The following ABLIM1 variants were observed in gnomAD, a reference collection of about 807,000 sequenced individuals.
ABLIM1 encodes the protein actin-binding LIM protein 1.
In ABLIM1, 40 loss-of-function variants were observed where a neutral mutation model predicts 107.0. That is an observed-to-expected ratio of 0.37 (90% CI 0.29 to 0.49). ABLIM1 has a LOEUF of 0.49. ABLIM1 is among the 20% of genes least tolerant of loss of function. ABLIM1 has a pLI of 0.97. For synonymous variants in ABLIM1, 357 were observed against 357.3 expected (o/e 1.00, Z 0.01); for missense variants, 857 against 1,008.5 (o/e 0.85, Z 2.04).
the ABLIM1 span, among the ~76,000 whole-genome samples, chr10:114,777,720 G>T: frequency 6.6e-6 from 1 of 152,104 alleles, no homozygotes; most frequent in East Asian, 1.9e-4. Flanking sequence ...CCAGCCCCAC[G>T]CAAGCACCAA....
chr10:114,487,541 A>G (rs2058363417), intron 8 of ABLIM1, among the ~76,000 whole-genome samples: 1 of 152,186 alleles, frequency 6.6e-6, no homozygotes, highest in East Asian at 1.9e-4. Context: ...GTGAATTTGG[A>G]TCCAGTAAAT....
chr10:114,517,624 C>T (rs553291335), intron 6 of ABLIM1, among the ~76,000 whole-genome samples: 69 of 152,240 alleles, frequency 4.5e-4, no homozygotes, highest in African/African-American at 1.5e-3. Flanking sequence ...GGAGGGGGGC[C>T]ACAGTACAAT....
At chr10:114,759,297 A>C (rs1195746974) in intron 1 of ABLIM1, among the ~76,000 whole-genome samples, 1 of 152,208 alleles carries the variant, frequency 6.6e-6, no homozygotes, top group Non-Finnish European at 1.5e-5. Flanking sequence ...GCATAAAATC[A>C]AGTAGGTTGT....
chr10:114,555,047 CT>C (rs2068555138), intron 4 of ABLIM1, among the ~76,000 whole-genome samples: 2 of 152,316 alleles, frequency 1.3e-5, no homozygotes, highest in South Asian at 4.1e-4. Flanking sequence ...CACTTGGTGT[CT>C]CTACTGTCCT....
rs759295061 is a variant in ABLIM1 at position 114,658,155 on chromosome 10, A to G, written c.46T>C (p.Ser16Pro). The change falls in exon 1 of 23, where the codon TCT becomes CCT. Residue 16 changes from serine to proline, a missense_variant. This residue lies in a region of ABLIM1 where 176 missense variants were observed against 173.5 expected (regional missense o/e 1.01). Transcript: ENST00000533213. ...GLKCLGKLCS[S>P]EKSKVTSSER... The stretch of plus-strand genomic sequence containing the variant: ...GATGAGGTGACTTTGCTTTTCTCAG[A>G]GCTGCACAATTTCCCCAGACACTTT... 4.3e-6 allele frequency: 7 copies of G among 1,613,718 alleles called. No individual in the cohort carries two copies. The highest frequency in any genetic ancestry group is 1.7e-6 in the Non-Finnish European group (2 of 1,179,772).
At chr10:114,604,531 A>T (rs1343682136) in intron 1 of ABLIM1, among the ~76,000 whole-genome samples, 1 of 152,208 alleles carries the variant, frequency 6.6e-6, no homozygotes, top group African/African-American at 2.4e-5. Flanking sequence ...ATGTATTAAA[A>T]ATGCAGGTTC....
chr10:114,593,385 G>C (rs1042559352), intron 2 of ABLIM1, among the ~76,000 whole-genome samples: 1 of 152,136 alleles, frequency 6.6e-6, no homozygotes, highest in African/African-American at 2.4e-5. Flanking sequence ...TCCTGGATCA[G>C]AAACAAAAGA....
intron 7 of ABLIM1, among the ~76,000 whole-genome samples, chr10:114,491,406 C>A (rs1182507876): frequency 2.0e-5 from 3 of 152,092 alleles, no homozygotes; most frequent in Non-Finnish European, 4.4e-5. Context: ...AAGTAGCCAT[C>A]AAATAAGTAA....
In ABLIM1 at chr10:114,711,142, A is replaced by G. The variant is rs533050218; in HGVS notation, c.-213+56919T>C. Among the ~76,000 whole-genome samples, 8 of 152,356 alleles carry G rather than the reference A, an allele frequency of 5.3e-5. 1 individual carries two copies. Among genetic ancestry groups the G allele is most frequent in the Non-Finnish European group, 1.5e-5 (1 of 68,032 alleles). ...TTTTCCCCTATCAATCACAAGAACAAAAGTAGCAAAAGTCATCTTATTTCT... is the reference window on the plus strand; with the variant it reads ...TTTTCCCCTATCAATCACAAGAACAGAAGTAGCAAAAGTCATCTTATTTCT... On this transcript the variant is annotated intron_variant, in intron 1 of 15. Transcript: ENST00000651092.
intron 1 of ABLIM1, among the ~76,000 whole-genome samples, chr10:114,742,191 T>TA (rs759231077): frequency 6.6e-6 from 1 of 152,072 alleles, no homozygotes; most frequent in Non-Finnish European, 1.5e-5. Flanking sequence ...CTAAGATAAA[T>TA]AAAAAACTAC....
chr10:114,520,471 T>C (rs2063559806), intron 6 of ABLIM1, among the ~76,000 whole-genome samples: 1 of 152,024 alleles, frequency 6.6e-6, no homozygotes, highest in Admixed American at 6.6e-5. Flanking sequence ...AAGTTTCATA[T>C]TCTAGGGGAA....
chr10:114,618,140 C>G (rs1345003869), intron 1 of ABLIM1, among the ~76,000 whole-genome samples: 4 of 152,152 alleles, frequency 2.6e-5, no homozygotes, highest in Non-Finnish European at 5.9e-5. Context: ...GAAGATTCGG[C>G]TCTTACCAAT....
intron 4 of ABLIM1, among the ~76,000 whole-genome samples, chr10:114,552,954 T>A (rs150606432): frequency 6.6e-6 from 1 of 152,246 alleles, no homozygotes; most frequent in African/African-American, 2.4e-5. Context: ...CCCAGAGCTA[T>A]GAAAGAAGCA....
chr10:114,661,226 A>G (rs1037547000), upstream of ABLIM1, among the ~76,000 whole-genome samples: 3 of 152,266 alleles, frequency 2.0e-5, no homozygotes, highest in Non-Finnish European at 4.4e-5. Context: ...CTAATGAGAA[A>G]AACAAATGGT....
At chr10:114,506,191 T>C (rs1185643319) in intron 6 of ABLIM1, among the ~76,000 whole-genome samples, 1 of 152,200 alleles carries the variant, frequency 6.6e-6, no homozygotes, top group Non-Finnish European at 1.5e-5. Flanking sequence ...AAGGACATGA[T>C]TTTGTTCCGT....
At chr10:114,738,154 T>G (rs2082219611) in intron 1 of ABLIM1, among the ~76,000 whole-genome samples, 1 of 152,162 alleles carries the variant, frequency 6.6e-6, no homozygotes, top group African/African-American at 2.4e-5. Context: ...GTTCAAGTGA[T>G]TCTCATGCTT....
At chr10:114,700,491 A>AACACACACACAC (rs149691121) in intron 1 of ABLIM1, among the ~76,000 whole-genome samples, 2,566 of 148,528 alleles carry the variant, frequency 0.017, 62 homozygotes, top group African/African-American at 0.06. Flanking sequence ...AAACAATTAA[A>AACACACACACAC]ACACACACAC....
chr10:114,651,336 A>G (rs2141089396), intron 1 of ABLIM1, among the ~76,000 whole-genome samples: 1 of 152,302 alleles, frequency 6.6e-6, no homozygotes, highest in South Asian at 2.1e-4. Context: ...AGGCAACTTG[A>G]ACAAAGATGT....
At chr10:114,500,085 T>C (rs1365761456) in intron 6 of ABLIM1, among the ~76,000 whole-genome samples, 1 of 152,216 alleles carries the variant, frequency 6.6e-6, no homozygotes, top group Non-Finnish European at 1.5e-5. Flanking sequence ...GAGGGCTCTA[T>C]ACAAGTCTGT....
Sources: gnomAD v4.1 joint callset for allele counts (sites outside exome capture counted in the v4.1 genomes callset) on GRCh38, gnomAD v4.1.1 for gene constraint, gnomAD v4.1.1 regional missense constraint, MANE v1.5 for transcripts, NCBI Gene and HGNC (gene_info 2026-07-23, HGNC 2026-07-21) for gene names.